PLXDC2: variants seen among roughly 807,000 people sequenced by gnomAD.
PLXDC2 encodes the protein plexin domain containing 2.
Under a neutral mutation model 68.9 loss-of-function variants are expected in PLXDC2, and 40 were observed. The observed-to-expected ratio is 0.58, with a 90% CI of 0.45 to 0.76. The LOEUF (loss-of-function observed/expected upper bound fraction) is 0.76, where lower values mean the gene tolerates loss of function less well. Ranked by LOEUF, PLXDC2 falls within the 30% of genes least tolerant of loss-of-function variation. The pLI is 0.00. For synonymous variants in PLXDC2, 243 were observed against 234.2 expected, an observed-to-expected ratio of 1.04 and a Z score of -0.34; for missense variants, 644 against 661.9, an observed-to-expected ratio of 0.97 and a Z score of 0.30.
At chr10:20,249,441 C>T (rs1443750126) in intron 13 of PLXDC2, among the ~76,000 whole-genome samples, 2 of 152,148 alleles carry the variant, frequency 1.3e-5, no homozygotes, top group Non-Finnish European at 2.9e-5. Flanking sequence ...CTGGTTCCTT[C>T]GGGAGGCTTC....
At chr10:20,183,722 T>C (rs899009559) in intron 9 of PLXDC2, among the ~76,000 whole-genome samples, 20 of 152,028 alleles carry the variant, frequency 1.3e-4, no homozygotes, top group African/African-American at 4.6e-4. Flanking sequence ...GACTGAATTA[T>C]GCAGATAATT....
At chr10:19,891,407 C>CG (rs1837960620) in intron 1 of PLXDC2, among the ~76,000 whole-genome samples, 1 of 111,976 alleles carries the variant, frequency 8.9e-6, no homozygotes, top group Non-Finnish European at 2.3e-5. Flanking sequence ...CTATTTTCTC[C>CG]CTTTTTTCTT....
intron 9 of PLXDC2, among the ~76,000 whole-genome samples, chr10:20,195,303 A>G (rs1834822751): frequency 6.6e-6 from 1 of 152,124 alleles, no homozygotes; most frequent in Non-Finnish European, 1.5e-5. Flanking sequence ...TCAGTGATTC[A>G]TGCATGTTTT....
At chr10:19,995,253 C>A (rs775214808) in intron 1 of PLXDC2, among the ~76,000 whole-genome samples, 1 of 152,150 alleles carries the variant, frequency 6.6e-6, no homozygotes, top group Non-Finnish European at 1.5e-5. Flanking sequence ...TGATTTATTA[C>A]AGCAAAAGGA....
intron 4 of PLXDC2, among the ~76,000 whole-genome samples, chr10:20,116,021 T>A (rs2131753482): frequency 6.6e-6 from 1 of 152,358 alleles, no homozygotes; most frequent in South Asian, 2.1e-4. Flanking sequence ...ATCCTTCAGT[T>A]CTGATTGGTC....
chr10:19,910,518 C>T (rs888552266), intron 1 of PLXDC2, among the ~76,000 whole-genome samples: 2 of 150,440 alleles, frequency 1.3e-5, no homozygotes, highest in Non-Finnish European at 2.9e-5. Context: ...GGTCCTTCCA[C>T]TAGAGCTCTG....
intron 10 of PLXDC2, among the ~76,000 whole-genome samples, chr10:20,215,832 G>C (rs912048164): frequency 2.6e-5 from 4 of 152,168 alleles, no homozygotes; most frequent in Admixed American, 2.0e-4. Context: ...GAAATGGAAG[G>C]TGAACCCAAG....
chr10:20,083,579 T>C (rs1456971924), intron 4 of PLXDC2, among the ~76,000 whole-genome samples: 1 of 152,144 alleles, frequency 6.6e-6, no homozygotes, highest in Non-Finnish European at 1.5e-5. Context: ...ATTTCTGCAG[T>C]GTATGTATTT....
chr10:20,273,892 AG>A (rs1835971403), intron 13 of PLXDC2, among the ~76,000 whole-genome samples: 1 of 152,152 alleles, frequency 6.6e-6, no homozygotes, highest in Non-Finnish European at 1.5e-5. Context: ...AAAAAATATT[AG>A]CTAGGAGTGG....
intron 1 of PLXDC2, among the ~76,000 whole-genome samples, chr10:19,898,792 G>C (rs1589526002): frequency 6.6e-6 from 1 of 151,946 alleles, no homozygotes; most frequent in South Asian, 2.1e-4. Context: ...ATACGCAACA[G>C]ATATTCATGA....
chr10:20,033,526 A>T (rs1034377879), intron 2 of PLXDC2, among the ~76,000 whole-genome samples: 1 of 152,218 alleles, frequency 6.6e-6, no homozygotes, highest in Non-Finnish European at 1.5e-5. Context: ...AAAGAGTTCC[A>T]CATGGCTGAG....
chr10:19,911,668 T>C (rs564650473), intron 1 of PLXDC2, among the ~76,000 whole-genome samples: 1 of 152,294 alleles, frequency 6.6e-6, no homozygotes, highest in African/African-American at 2.4e-5. Context: ...AACCTCCCCA[T>C]TGAAGCCAGA....
chr10:19,871,769 C>T (rs1473757647), intron 1 of PLXDC2, among the ~76,000 whole-genome samples: 2 of 151,648 alleles, frequency 1.3e-5, no homozygotes, highest in Non-Finnish European at 2.9e-5. Flanking sequence ...GCCTGTAATC[C>T]CAGCTACTCT....
rs776965770 is a variant in PLXDC2 at position 20,279,795 on chromosome 10, C to T, written c.1566C>T (p.Gly522=). 1 of 1,613,872 alleles carries T rather than the reference C, an allele frequency of 6.2e-7. No individual in the cohort carries two copies. Among genetic ancestry groups the T allele is most frequent in the Non-Finnish European group, 8.5e-7 (1 of 1,179,874 alleles). ...TTGAACCAGTTGGAGAGAAAGAAGG[C>T]TTTATTGTATCAGAGCAGTGCTAAA... ...AEVEPVGEKE[G]FIVSEQC Residue 522 remains glycine (G), a synonymous_variant, in exon 14 of 14, where the codon GGC becomes GGT. Transcript: ENST00000377252.
intron 1 of PLXDC2, among the ~76,000 whole-genome samples, chr10:19,847,885 T>A (rs1189020080): frequency 1.3e-5 from 2 of 152,192 alleles, no homozygotes; most frequent in Non-Finnish European, 2.9e-5. Flanking sequence ...CAGCAAGGAC[T>A]GGGATCCACA....
chr10:20,129,879 T>C (rs925983598), intron 4 of PLXDC2, among the ~76,000 whole-genome samples: 3 of 152,166 alleles, frequency 2.0e-5, no homozygotes, highest in African/African-American at 7.2e-5. Context: ...GTGACTGTTT[T>C]CATTCCAGAA....
chr10:20,042,814 G>T (rs1835706215), intron 2 of PLXDC2, among the ~76,000 whole-genome samples: 1 of 152,194 alleles, frequency 6.6e-6, no homozygotes, highest in African/African-American at 2.4e-5. Flanking sequence ...TATTTTTGGT[G>T]TAGGTCCTCT....
At chr10:20,033,372 G>T (rs192083225) in intron 2 of PLXDC2, among the ~76,000 whole-genome samples, 4 of 152,052 alleles carry the variant, frequency 2.6e-5, no homozygotes, top group Non-Finnish European at 5.9e-5. Flanking sequence ...TACATAAGGG[G>T]ATGCTGAAAC....
chr10:20,056,508 A>G (rs1018030043), intron 3 of PLXDC2, among the ~76,000 whole-genome samples: 6 of 152,200 alleles, frequency 3.9e-5, no homozygotes, highest in Non-Finnish European at 8.8e-5. Context: ...ACATAATTAC[A>G]TAAATACATG....
Sources: gnomAD v4.1 joint callset for allele counts (sites outside exome capture counted in the v4.1 genomes callset) on GRCh38, gnomAD v4.1.1 for gene constraint, MANE v1.5 for transcripts, NCBI Gene and HGNC (gene_info 2026-07-23, HGNC 2026-07-21) for gene names.